Variants in NEIL3 observed in about 807,000 individuals in gnomAD.
NEIL3 encodes endonuclease 8-like 3.
NEIL3 carries 48 observed loss-of-function variants against 57.5 expected under a neutral mutation model. That is an observed-to-expected ratio of 0.83 (90% CI 0.66 to 1.06). NEIL3 has a LOEUF of 1.06. NEIL3 is among the 50% of genes least tolerant of loss of function. NEIL3 has a pLI of 0.00. For synonymous variants in NEIL3, 261 were observed against 253.2 expected (o/e 1.03, Z -0.29); for missense variants, 717 against 739.1 (o/e 0.97, Z 0.35).
At chr4:177,312,622 C>T (rs566519657) in intron 1 of NEIL3, among the ~76,000 whole-genome samples, 1 of 152,216 alleles carries the variant, frequency 6.6e-6, no homozygotes, top group African/African-American at 2.4e-5. Context: ...ATTAACATCA[C>T]TTGGCAGCAA....
chr4:177,324,198 A>T (rs1034982128), intron 2 of NEIL3, among the ~76,000 whole-genome samples: 1 of 152,192 alleles, frequency 6.6e-6, no homozygotes, highest in Non-Finnish European at 1.5e-5. Flanking sequence ...GTGCACCTGC[A>T]ATAGAAATGT....
At chr4:177,327,948 T>C (rs1038523144) in intron 2 of NEIL3, among the ~76,000 whole-genome samples, 7 of 152,324 alleles carry the variant, frequency 4.6e-5, no homozygotes, top group African/African-American at 1.7e-4. Flanking sequence ...TTCGATTAGT[T>C]AATATTTTAT....
At chr4:177,331,754 A>T (rs1217363115) in intron 2 of NEIL3, among the ~76,000 whole-genome samples, 1 of 152,234 alleles carries the variant, frequency 6.6e-6, no homozygotes, top group African/African-American at 2.4e-5. Flanking sequence ...AGAAACAGTC[A>T]TGCCTCTTCT....
intron 1 of NEIL3, among the ~76,000 whole-genome samples, chr4:177,314,572 A>G (rs763874503): frequency 6.6e-6 from 1 of 152,092 alleles, no homozygotes; most frequent in Non-Finnish European, 1.5e-5. Context: ...GGAACACCCT[A>G]TTTTTATGAA....
At chr4:177,336,462 ATT>A (rs1335862691) in intron 4 of NEIL3, 141 bp downstream of exon 4, 1 of 672,638 alleles carries the variant, frequency 1.5e-6, no homozygotes, top group Non-Finnish European at 2.5e-6. Context: ...ACCCAGGTCA[ATT>A]TCTCAGTGCA....
chr4:177,361,464 T>TA (rs1247831603), intron 9 of NEIL3, among the ~76,000 whole-genome samples: 11 of 152,244 alleles, frequency 7.2e-5, no homozygotes, highest in Admixed American at 7.2e-4. Context: ...TTCAATGTGA[T>TA]ACCTTCTTAA....
chr4:177,351,418 C>G lies in NEIL3; in HGVS notation c.908C>G (p.Ser303Cys), dbSNP rs778450202. The change falls in exon 7 of 10, where the codon TCT becomes TGT. Residue 303 changes from serine to cysteine, a missense_variant. Transcript: ENST00000264596. ...AGAAATACTATAATCAGTTGGACATCTAGCAGGGTGGATCATGTTATGGAC... is the reference window on the plus strand; with the variant it reads ...AGAAATACTATAATCAGTTGGACATGTAGCAGGGTGGATCATGTTATGGAC... ...PTRNTIISWTSSRVDHVMDSV... is the reference protein window; with the variant it reads ...PTRNTIISWTCSRVDHVMDSV... 1 of 1,613,698 alleles carries G rather than the reference C, an allele frequency of 6.2e-7. No homozygotes were observed. The highest frequency in any genetic ancestry group is 1.7e-5 in the Admixed American group (1 of 59,948).
At chr4:177,320,269 A>G (rs903136977) in intron 1 of NEIL3, among the ~76,000 whole-genome samples, 1 of 152,040 alleles carries the variant, frequency 6.6e-6, no homozygotes, top group African/African-American at 2.4e-5. Flanking sequence ...GACTTATATA[A>G]AAAGAAGGCA....
At chr4:177,330,370 C>T (rs890663305) in intron 2 of NEIL3, among the ~76,000 whole-genome samples, 1 of 151,918 alleles carries the variant, frequency 6.6e-6, no homozygotes, top group Non-Finnish European at 1.5e-5. Flanking sequence ...AATGTTCTGG[C>T]ATTAAATGTT....
intron 2 of NEIL3, 85 bp downstream of exon 2, chr4:177,322,665 TTAATCA>T: frequency 6.6e-7 from 1 of 1,520,874 alleles, no homozygotes; most frequent in Non-Finnish European, 9.1e-7. Flanking sequence ...GGTGTCACAT[TTAATCA>T]TATAGGAAGT....
At chr4:177,370,353 T>C in the NEIL3 span, among the ~76,000 whole-genome samples, 2 of 152,306 alleles carry the variant, frequency 1.3e-5, no homozygotes, top group African/African-American at 4.8e-5. Context: ...TTCAAGTGCA[T>C]GGAAACACTG....
intron 1 of NEIL3, among the ~76,000 whole-genome samples, chr4:177,311,259 C>T (rs1734470492): frequency 6.6e-6 from 1 of 152,082 alleles, no homozygotes; most frequent in Non-Finnish European, 1.5e-5. Flanking sequence ...TGGGAAGACA[C>T]AAAGACATTC....
At position 177,318,082 on chromosome 4, in the gene NEIL3, G is replaced by A. The variant is rs1429045994; in HGVS notation, c.157-4377G>A. ...CCGTTCTTTTCATAAACTGTACATG[G>A]AACTATATTCCCCACAGTGTAGGTT... On this transcript the variant is annotated intron_variant, in intron 1 of 9. Transcript: ENST00000264596. 3.3e-5 allele frequency among the ~76,000 whole-genome samples: 5 copies of A among 152,234 alleles called. No individual in the cohort carries two copies. The East Asian group carries it at 9.7e-4, about 29-fold the overall frequency.
chr4:177,351,232 AAAAAAAGAC>A, intron 6 of NEIL3, 139 bp from the exon 7 acceptor site: 1 of 324,066 alleles, frequency 3.1e-6, no homozygotes, highest in Non-Finnish European at 5.5e-6. Context: ...AAAAAAAAAA[AAAAAAAGAC>A]TCTAAGATAC....
intron 2 of NEIL3, among the ~76,000 whole-genome samples, chr4:177,332,346 G>T (rs568955147): frequency 0.022 from 3,355 of 152,202 alleles, 57 homozygotes; most frequent in Non-Finnish European, 0.033. Flanking sequence ...CCTTCAACAG[G>T]CCAGGGTACC....
chr4:177,325,077 GA>G (rs1734756343), intron 2 of NEIL3, among the ~76,000 whole-genome samples: 1 of 152,070 alleles, frequency 6.6e-6, no homozygotes, highest in Non-Finnish European at 1.5e-5. Flanking sequence ...TCAGAGACCA[GA>G]AACTATATCT....
chr4:177,328,814 TAAC>T (rs1734828104), intron 2 of NEIL3, among the ~76,000 whole-genome samples: 1 of 152,148 alleles, frequency 6.6e-6, no homozygotes, highest in Non-Finnish European at 1.5e-5. Flanking sequence ...GCAAGCATAA[TAAC>T]AATTTATTGT....
chr4:177,336,815 A>T (rs1163697671), intron 4 of NEIL3, among the ~76,000 whole-genome samples: 1 of 152,196 alleles, frequency 6.6e-6, no homozygotes, highest in Non-Finnish European at 1.5e-5. Context: ...CATATTAAGT[A>T]CATGTTCTGC....
chr4:177,327,289 T>C lies in NEIL3; in HGVS notation c.278+4709T>C, dbSNP rs111712161. On this transcript the variant is annotated intron_variant, in intron 2 of 9. Coordinates refer to ENST00000264596, the MANE Select transcript of NEIL3 (RefSeq NM_018248.3). ...TCTTTACAGCAGTGTAAAAACAGACTAATACACTTGCTAAACTCGTTATAG... is the reference window on the plus strand; with the variant it reads ...TCTTTACAGCAGTGTAAAAACAGACCAATACACTTGCTAAACTCGTTATAG... Among the ~76,000 whole-genome samples the C allele has an allele frequency of 8.0e-3, 1,226 of 152,320 alleles. 14 individuals carry two copies. Among genetic ancestry groups the C allele is most frequent in the African/African-American group, 0.028 (1,165 of 41,564 alleles).
Sources: allele counts gnomAD v4.1 joint callset (sites outside exome capture counted in the v4.1 genomes callset), GRCh38; gene constraint gnomAD v4.1.1; transcripts MANE v1.5; gene names NCBI Gene and HGNC (gene_info 2026-07-23, HGNC 2026-07-21).